The following FMN2 variants were observed in gnomAD, a reference collection of about 807,000 sequenced individuals.
FMN2 encodes the protein formin-2.
Under a neutral mutation model 142.3 loss-of-function variants are expected in FMN2, and 51 were observed. The ratio of observed to expected loss-of-function variants is 0.36; its 90% CI spans 0.29 to 0.45. FMN2 has a LOEUF of 0.45. Among genes scored for constraint, FMN2 ranks in the 20% least tolerant of loss-of-function variants. FMN2 has a pLI of 1.00. For missense variants in FMN2, 1,936 were observed against 2,122.8 expected (o/e 0.91, Z 1.73); for synonymous variants, 882 against 869.8 (o/e 1.01, Z -0.25).
intron 6 of FMN2, among the ~76,000 whole-genome samples, chr1:240,255,031 G>A (rs1001284087): frequency 2.0e-5 from 3 of 152,198 alleles, no homozygotes; most frequent in African/African-American, 7.2e-5. Context: ...TGCAGGCCGC[G>A]GGGTTCTCCC....
chr1:240,141,944 A>G (rs10926138), intron 2 of FMN2, among the ~76,000 whole-genome samples: 75,850 of 151,796 alleles, frequency 0.5, 19,421 homozygotes, highest in African/African-American at 0.61. Context: ...CTGAATTGGA[A>G]CCACAATTTC....
intron 1 of FMN2, among the ~76,000 whole-genome samples, chr1:240,102,400 A>G (rs1661446369): frequency 1.3e-5 from 2 of 152,212 alleles, no homozygotes; most frequent in Admixed American, 1.3e-4. Context: ...TTTTAAAAGT[A>G]TAATAAAAGA....
chr1:240,293,404 T>C (rs1327678142), intron 7 of FMN2, among the ~76,000 whole-genome samples: 3 of 152,136 alleles, frequency 2.0e-5, no homozygotes, highest in Non-Finnish European at 2.9e-5. Flanking sequence ...TCAGAAACCT[T>C]TGGATTCACT....
rs550300722 is a variant in FMN2, at chr1:240,263,612, C to T, written c.4153+5580C>T. Reference sequence around the variant, plus strand: ...TAGATAGAGATAGCTGAGCAGCTTGCGTTAACTGCCTCTGGAGAATGGCCT... The same window carrying T: ...TAGATAGAGATAGCTGAGCAGCTTGTGTTAACTGCCTCTGGAGAATGGCCT... On this transcript the variant is annotated intron_variant, in intron 7 of 17. Coordinates refer to ENST00000319653, the MANE Select transcript of FMN2 (RefSeq NM_020066.5). Among the ~76,000 whole-genome samples the T allele has an allele frequency of 3.3e-5, 5 of 152,260 alleles. No homozygotes were observed. The South Asian group carries it at 8.3e-4, about 25-fold the overall frequency.
intron 8 of FMN2, among the ~76,000 whole-genome samples, chr1:240,303,705 A>G (rs768404184): frequency 2.9e-4 from 44 of 152,210 alleles, no homozygotes; most frequent in Admixed American, 5.2e-4. Flanking sequence ...CACATCTTTC[A>G]TCAAATTGGA....
intron 3 of FMN2, among the ~76,000 whole-genome samples, chr1:240,184,542 G>C (rs35682694): frequency 8.1e-6 from 1 of 123,566 alleles, no homozygotes; most frequent in Non-Finnish European, 1.7e-5. Flanking sequence ...TTTTTTTTAA[G>C]AACATTCTGG....
rs1172136334 is a variant in FMN2, at chr1:240,294,860, A to G, written c.4192A>G (p.Thr1398Ala). 1.2e-6 allele frequency: 2 copies of G among 1,613,772 alleles called. No homozygotes were observed. Among genetic ancestry groups the G allele is most frequent in the South Asian group, 2.2e-5 (2 of 91,082 alleles). Residue 1398 changes from threonine (T) to alanine (A), a missense_variant, in exon 8 of 18, where the codon ACC becomes GCC. Coordinates refer to ENST00000319653, the MANE Select transcript of FMN2 (RefSeq NM_020066.5). The stretch of plus-strand genomic sequence containing the variant: ...GGATAATTCTGTGGTTGACCTGGAG[A>G]CCCTTCAAGCTCTCTATGAGAATGT... ...NLDNSVVDLE[T>A]LQALYENRAQ...
chr1:240,356,109 A>T (rs1171102134), intron 14 of FMN2, among the ~76,000 whole-genome samples: 1 of 152,148 alleles, frequency 6.6e-6, no homozygotes, highest in African/African-American at 2.4e-5. Flanking sequence ...TTTGATAAAC[A>T]TGCTATTTGT....
At chr1:240,110,004 G>C (rs1306891309) in intron 1 of FMN2, among the ~76,000 whole-genome samples, 1 of 152,104 alleles carries the variant, frequency 6.6e-6, no homozygotes, top group Admixed American at 6.5e-5. Flanking sequence ...CAACCTCCCA[G>C]TTCCACTAAG....
chr1:240,308,531 G>A (rs893356413), intron 8 of FMN2, among the ~76,000 whole-genome samples: 7 of 152,142 alleles, frequency 4.6e-5, no homozygotes, highest in Non-Finnish European at 8.8e-5. Context: ...GACGAGGACG[G>A]GGCTTTACTG....
chr1:240,323,835 T>G (rs1311962852), intron 8 of FMN2, among the ~76,000 whole-genome samples: 1 of 152,182 alleles, frequency 6.6e-6, no homozygotes, highest in African/African-American at 2.4e-5. Flanking sequence ...CTTGGCTGAC[T>G]TCTGTCTTTC....
intron 7 of FMN2, among the ~76,000 whole-genome samples, chr1:240,287,177 C>T (rs1368952359): frequency 6.6e-6 from 1 of 152,178 alleles, no homozygotes; most frequent in Non-Finnish European, 1.5e-5. Context: ...GTCGAAATGA[C>T]ATGCTCCCTG....
intron 7 of FMN2, among the ~76,000 whole-genome samples, chr1:240,283,645 A>G (rs372778912): frequency 3.3e-5 from 5 of 152,314 alleles, no homozygotes; most frequent in African/African-American, 1.2e-4. Flanking sequence ...GCTCTTAAAA[A>G]TCTTCTTGGA....
At chr1:240,180,250 AT>A in intron 3 of FMN2, 1 of 1,051,290 alleles carries the variant, frequency 9.5e-7, no homozygotes, top group Non-Finnish European at 1.3e-6. Context: ...GTCATATAGC[AT>A]TTTTTCATCA....
intron 15 of FMN2, among the ~76,000 whole-genome samples, chr1:240,418,702 G>T (rs990763422): frequency 5.3e-5 from 8 of 152,046 alleles, no homozygotes; most frequent in African/African-American, 1.7e-4. Flanking sequence ...TATACACAGT[G>T]TTCCAGTGTT....
intron 6 of FMN2, among the ~76,000 whole-genome samples, chr1:240,216,870 AC>A (rs1340503215): frequency 1.3e-5 from 2 of 151,314 alleles, no homozygotes; most frequent in Admixed American, 1.3e-4. Flanking sequence ...AATTGCTTGA[AC>A]CCGGGAGGCG....
At chr1:240,373,898 G>A (rs1399184836) in intron 14 of FMN2, among the ~76,000 whole-genome samples, 1 of 152,062 alleles carries the variant, frequency 6.6e-6, no homozygotes. Flanking sequence ...ATCCACCAGA[G>A]GAATCAATCA....
intron 4 of FMN2, among the ~76,000 whole-genome samples, chr1:240,190,561 C>T (rs923528995): frequency 2.0e-5 from 3 of 152,132 alleles, no homozygotes; most frequent in Admixed American, 6.5e-5. Context: ...TTATAATGCG[C>T]ATTTAACTGC....
intron 3 of FMN2, among the ~76,000 whole-genome samples, chr1:240,178,695 A>G (rs912242644): frequency 3.3e-5 from 5 of 152,028 alleles, no homozygotes; most frequent in African/African-American, 1.2e-4. Flanking sequence ...CGGTCTCCTA[A>G]AGTGCTGGAA....
Sources: gnomAD v4.1 joint callset for allele counts (sites outside exome capture counted in the v4.1 genomes callset) on GRCh38, gnomAD v4.1.1 for gene constraint, MANE v1.5 for transcripts, NCBI Gene and HGNC (gene_info 2026-07-23, HGNC 2026-07-21) for gene names.